Variants in GLUL observed in about 807,000 individuals in gnomAD.
GLUL encodes glutamate-ammonia ligase, also known as glutamine synthetase.
A neutral mutation model predicts 36.9 loss-of-function variants in GLUL; 8 were observed. That is an observed-to-expected ratio of 0.22 (90% CI 0.13 to 0.39). The LOEUF (loss-of-function observed/expected upper bound fraction) is 0.39, where lower values mean the gene tolerates loss of function less well. GLUL is among the 10% of genes least tolerant of loss of function. GLUL has a pLI of 1.00. For synonymous variants in GLUL, 182 were observed against 172.8 expected (o/e 1.05, Z -0.42); for missense variants, 315 against 501.8 (o/e 0.63, Z 3.56).
At chr1:182,388,904 A>C (rs1650293872) in intron 1 of GLUL, 154 bp from the exon 2 acceptor site, 1 of 684,388 alleles carries the variant, frequency 1.5e-6, no homozygotes, top group Non-Finnish European at 2.7e-6. Context: ...ATGTTTACTC[A>C]CTCTTTCAGG....
In GLUL at chr1:182,378,934, A is replaced by G. The variant is rs1649827513; in HGVS notation, c.*5471T>C. ...CAGGGTGGGATTACAGGTGCTCACC[A>G]CCAAGCCCGGCTAATTTTTGTATTT... On this transcript the variant is annotated 3_prime_UTR_variant, in exon 7 of 7. Coordinates refer to ENST00000331872, the MANE Select transcript of GLUL (RefSeq NM_001033044.4). 6.6e-6 allele frequency among the ~76,000 whole-genome samples: 1 copy of G among 151,650 alleles called. No individual in the cohort carries two copies. The highest frequency in any genetic ancestry group is 1.5e-5 in the Non-Finnish European group (1 of 67,912).
rs1649946736 is a variant in GLUL at position 182,381,985 on chromosome 1, ACTTT to A, written c.*2416_*2419del. ...GAATATTAAATCATATTACGAGCCA[ACTTT>A]CTTAAGAAAAACCACGGATATCTAG... On this transcript the variant is annotated 3_prime_UTR_variant, in exon 7 of 7. Coordinates refer to ENST00000331872, the MANE Select transcript of GLUL (RefSeq NM_001033044.4). 6.6e-6 allele frequency: 1 copy of A among 152,212 alleles called. No individual in the cohort carries two copies. The highest frequency in any genetic ancestry group is 6.5e-5 in the Admixed American group (1 of 15,286). The allele number at this position is 152,212 out of a possible 1,614,324, so 9.4% of individuals were successfully genotyped here. A position where few individuals can be genotyped will look rare whatever the true frequency, so the allele number is the denominator to read the frequency against.
intron 6 of GLUL, 72 bp from the exon 7 acceptor site, chr1:182,384,795 A>C: frequency 1.9e-6 from 2 of 1,057,622 alleles, no homozygotes; most frequent in Non-Finnish European, 3.0e-6. Flanking sequence ...GTGCACCAAA[A>C]TATGATACCA....
rs1649992944 is a variant in GLUL, at chr1:182,382,784, GTT to G, written c.*1619_*1620del. On this transcript the variant is annotated 3_prime_UTR_variant, in exon 7 of 7. Transcript: ENST00000331872. ...GGCTGGTCAGCAACATCACTCCAGTGTTTTAAAAACTCAGAGTACATAAACTT... is the reference window on the plus strand; with the variant it reads ...GGCTGGTCAGCAACATCACTCCAGTGTTAAAAACTCAGAGTACATAAACTT... The G allele has an allele frequency of 6.6e-6, 1 of 152,136 alleles. No homozygotes were observed. The highest frequency in any genetic ancestry group is 1.5e-5 in the Non-Finnish European group (1 of 68,022). 9.4% of individuals were successfully genotyped at this position (152,136 alleles called of 1,614,324 possible). A position where few individuals can be genotyped will look rare whatever the true frequency, so the allele number is the denominator to read the frequency against.
rs1232196262 is a variant in GLUL, at chr1:182,381,376, A to G, written c.*3029T>C. Among the ~76,000 whole-genome samples, 1 of 152,136 alleles carries G rather than the reference A, an allele frequency of 6.6e-6. No homozygotes were observed. Among genetic ancestry groups the G allele is most frequent in the Non-Finnish European group, 1.5e-5 (1 of 68,032 alleles). On this transcript the variant is annotated 3_prime_UTR_variant, in exon 7 of 7. Coordinates refer to ENST00000331872, the MANE Select transcript of GLUL (RefSeq NM_001033044.4). ...TACCTGGCAAGATGATATTAGGGGA[A>G]CTCATATTTAAGGAGTTCATGGAGA... is the stretch of plus-strand genomic sequence containing the variant.
chr1:182,389,250 T>G (rs931354481), intron 1 of GLUL: 2 of 171,488 alleles, frequency 1.2e-5, no homozygotes, highest in African/African-American at 4.8e-5. Context: ...CCAATATAAG[T>G]AAAATCCAGC....
Position 182,379,365 on chromosome 1 carries a change from G to C in GLUL, c.*5040C>G, listed in dbSNP as rs1198785218. On this transcript the variant is annotated 3_prime_UTR_variant, in exon 7 of 7. Transcript: ENST00000331872. ...AGCCTCCTGAGTAGCTGGAATTATAGGCACCCACCACCACATCTTGCTAAT... is the reference window on the plus strand; with the variant it reads ...AGCCTCCTGAGTAGCTGGAATTATACGCACCCACCACCACATCTTGCTAAT... Among the ~76,000 whole-genome samples, 1 of 151,814 alleles carries C rather than the reference G, an allele frequency of 6.6e-6. No homozygotes were observed. Among genetic ancestry groups the C allele is most frequent in the Non-Finnish European group, 1.5e-5 (1 of 67,996 alleles).
At chr1:182,391,220 G>A (rs1326449572) in intron 1 of GLUL, 5 of 398,578 alleles carry the variant, frequency 1.3e-5, no homozygotes, top group East Asian at 3.6e-5. Flanking sequence ...CCAGAACCAG[G>A]ACGATTGCTC....
At chr1:182,390,222 C>T in intron 1 of GLUL, 2 of 253,370 alleles carry the variant, frequency 7.9e-6, no homozygotes, top group Non-Finnish European at 1.4e-5. Context: ...GAGACTCTGT[C>T]GGAAAACAAA....
chr1:182,384,972 TG>T, intron 6 of GLUL: 1 of 517,488 alleles, frequency 1.9e-6, no homozygotes, highest in South Asian at 2.3e-5. Flanking sequence ...ATGCCTGTAT[TG>T]TTACTAATTT....
Position 182,379,014 on chromosome 1 carries a change from T to C in GLUL, c.*5391A>G, listed in dbSNP as rs1649829632. ...CCAGGCTGGTCTCAAACTCCTGACC[T>C]TAAGTGATCTGCCCACTTTGGCCTC... On this transcript the variant is annotated 3_prime_UTR_variant, in exon 7 of 7. Transcript: ENST00000331872. 6.6e-6 allele frequency among the ~76,000 whole-genome samples: 1 copy of C among 152,108 alleles called. No homozygotes were observed. The highest frequency in any genetic ancestry group is 2.4e-5 in the African/African-American group (1 of 41,428).
In GLUL at chr1:182,384,483, G is replaced by C. The variant is rs767177526; in HGVS notation, c.1044C>G (p.Pro348=). The C allele has an allele frequency of 3.7e-6, 6 of 1,613,818 alleles. No individual in the cohort carries two copies. Among genetic ancestry groups the C allele is most frequent in the Admixed American group, 1.7e-5 (1 of 59,990 alleles). The part of the protein sequence containing the change: ...EDRRPSANCD[P]FSVTEALIRT... Reference sequence around the variant, plus strand: ...GGATGAGGGCTTCTGTCACCGAAAAGGGGTCGCAGTTGGCAGAGGGGCGAC... The same window carrying C: ...GGATGAGGGCTTCTGTCACCGAAAACGGGTCGCAGTTGGCAGAGGGGCGAC... Residue 348 remains proline (P), a synonymous_variant, in exon 7 of 7, where the codon CCC becomes CCG. Coordinates refer to ENST00000331872, the MANE Select transcript of GLUL (RefSeq NM_001033044.4).
chr1:182,378,869 T>C lies in GLUL; in HGVS notation c.*5536A>G, dbSNP rs1208603953. Among the ~76,000 whole-genome samples the C allele has an allele frequency of 3.3e-5, 5 of 152,026 alleles. No homozygotes were observed. Among genetic ancestry groups the C allele is most frequent in the African/African-American group, 1.2e-4 (5 of 41,388 alleles). ...CTTGGCTCACTGCAACCTCCGGCTCTTGGGCTCAAGCGATTCTCCTGCCTC... is the reference window on the plus strand; with the variant it reads ...CTTGGCTCACTGCAACCTCCGGCTCCTGGGCTCAAGCGATTCTCCTGCCTC... On this transcript the variant is annotated 3_prime_UTR_variant, in exon 7 of 7. Transcript: ENST00000331872.
chr1:182,390,772 G>A (rs937909077), intron 1 of GLUL: 9 of 399,024 alleles, frequency 2.3e-5, no homozygotes, highest in Admixed American at 4.4e-5. Context: ...AGCGCGACCC[G>A]GAGGAGTCTG....
At chr1:182,389,702 C>T (rs974454970) in intron 1 of GLUL, 2 of 152,236 alleles carry the variant, frequency 1.3e-5, no homozygotes, top group African/African-American at 4.8e-5. Context: ...AGGAAACATT[C>T]TCTCTCTCCC....
Position 182,382,732 on chromosome 1 carries a change from T to C in GLUL, c.*1673A>G, listed in dbSNP as rs1472298135. The C allele has an allele frequency of 6.6e-6, 1 of 152,084 alleles. No individual in the cohort carries two copies. The highest frequency in any genetic ancestry group is 1.5e-5 in the Non-Finnish European group (1 of 68,026). 9.4% of individuals were successfully genotyped at this position (152,084 alleles called of 1,614,324 possible). ...AAAACTTAATCCCTTAAGTCCCAAA[T>C]ACCCAACTTAGAGAGGTACAGGAAA... On this transcript the variant is annotated 3_prime_UTR_variant, in exon 7 of 7. Coordinates refer to ENST00000331872, the MANE Select transcript of GLUL (RefSeq NM_001033044.4).
chr1:182,388,997 A>G (rs1650297601), intron 1 of GLUL: 2 of 440,806 alleles, frequency 4.5e-6, no homozygotes, highest in Admixed American at 3.4e-5. Flanking sequence ...ATTAACACAG[A>G]TGCCTGCTAA....
intron 4 of GLUL, 117 bp from the exon 5 acceptor site, chr1:182,386,004 C>A: frequency 9.0e-7 from 1 of 1,113,960 alleles, no homozygotes; most frequent in Non-Finnish European, 1.4e-6. Context: ...CCTTCATCTG[C>A]AGGTGCGGGG....
chr1:182,391,083 A>C, intron 1 of GLUL: 1 of 398,316 alleles, frequency 2.5e-6, no homozygotes, highest in Non-Finnish European at 4.4e-6. Flanking sequence ...TTCTCCACTG[A>C]CTGCGCCGAG....
Sources: allele counts gnomAD v4.1 joint callset (sites outside exome capture counted in the v4.1 genomes callset), GRCh38; gene constraint gnomAD v4.1.1; transcripts MANE v1.5; gene names NCBI Gene and HGNC (gene_info 2026-07-23, HGNC 2026-07-21).